The following SH3RF3 variants were observed in gnomAD, a reference collection of about 807,000 sequenced individuals.
The protein encoded by SH3RF3 is E3 ubiquitin-protein ligase SH3RF3.
A neutral mutation model predicts 66.3 loss-of-function variants in SH3RF3; 29 were observed. The observed-to-expected ratio is 0.44, with a 90% CI of 0.33 to 0.60. The LOEUF (loss-of-function observed/expected upper bound fraction) is 0.60, where lower values mean the gene tolerates loss of function less well. Among genes scored for constraint, SH3RF3 ranks in the 20% least tolerant of loss-of-function variants. The pLI, the probability that SH3RF3 is intolerant of heterozygous loss-of-function variation, is 0.04. For synonymous variants in SH3RF3, 583 were observed against 532.0 expected (o/e 1.10, Z -1.32); for missense variants, 1,194 against 1,190.9 (o/e 1.00, Z -0.04).
At chr2:109,382,917 G>A (rs1675734065) in intron 3 of SH3RF3, among the ~76,000 whole-genome samples, 1 of 152,136 alleles carries the variant, frequency 6.6e-6, no homozygotes, top group African/African-American at 2.4e-5. Context: ...ATGGATTAAT[G>A]TGTGGACCAC....
chr2:109,444,208 A>G (rs1399128486), intron 7 of SH3RF3, among the ~76,000 whole-genome samples: 2 of 152,268 alleles, frequency 1.3e-5, no homozygotes. Flanking sequence ...GCTGAATGAA[A>G]TGAAAAAGAA....
chr2:109,335,711 C>T (rs1353528722), intron 1 of SH3RF3, among the ~76,000 whole-genome samples: 1 of 152,198 alleles, frequency 6.6e-6, no homozygotes, highest in Non-Finnish European at 1.5e-5. Flanking sequence ...TTTGTTCACT[C>T]CCAAACCCCA....
chr2:109,319,795 G>C (rs200234634), intron 1 of SH3RF3, among the ~76,000 whole-genome samples: 2 of 152,316 alleles, frequency 1.3e-5, no homozygotes, highest in East Asian at 3.9e-4. Context: ...AGTCCAATCT[G>C]GAGCTTTTTC....
rs548299513 is a variant in SH3RF3 at position 109,343,443 on chromosome 2, A to G, written c.574-4231A>G. Among the ~76,000 whole-genome samples the G allele has an allele frequency of 5.3e-5, 8 of 151,902 alleles. No homozygotes were observed. In the South Asian group the frequency reaches 6.2e-4, roughly 12 times the overall value. On this transcript the variant is annotated intron_variant, in intron 1 of 9. Coordinates refer to ENST00000309415, the MANE Select transcript of SH3RF3 (RefSeq NM_001099289.3). The stretch of plus-strand genomic sequence containing the variant: ...CCCCCTCTTGGTTTTGCTCTGTCCA[A>G]TCTGAGTCTGGCAGTCTGAGATGGG...
chr2:109,354,449 G>T (rs1333282410), intron 2 of SH3RF3, among the ~76,000 whole-genome samples: 3 of 152,240 alleles, frequency 2.0e-5, no homozygotes, highest in Non-Finnish European at 4.4e-5. Flanking sequence ...GCCACTCATG[G>T]CCAGGCAGGG....
intron 1 of SH3RF3, among the ~76,000 whole-genome samples, chr2:109,159,156 C>T (rs1434164581): frequency 1.3e-5 from 2 of 152,164 alleles, no homozygotes; most frequent in Non-Finnish European, 2.9e-5. Context: ...ACAGTGTTCA[C>T]CCATGAGAAG....
intron 1 of SH3RF3, among the ~76,000 whole-genome samples, chr2:109,197,302 A>T (rs995640733): frequency 9.9e-5 from 15 of 152,080 alleles, no homozygotes; most frequent in African/African-American, 3.6e-4. Flanking sequence ...TCATTCTGGG[A>T]GGGCTGCTGT....
chr2:109,411,990 A>T (rs1413189299), intron 4 of SH3RF3, among the ~76,000 whole-genome samples: 1 of 151,950 alleles, frequency 6.6e-6, no homozygotes, highest in Non-Finnish European at 1.5e-5. Flanking sequence ...AAGGCCCCAG[A>T]CCCCTGAATG....
chr2:109,221,196 T>C (rs1471515555), intron 1 of SH3RF3, among the ~76,000 whole-genome samples: 1 of 152,236 alleles, frequency 6.6e-6, no homozygotes, highest in Non-Finnish European at 1.5e-5. Flanking sequence ...AAAAAGTCAG[T>C]CTTCCACATC....
intron 2 of SH3RF3, among the ~76,000 whole-genome samples, chr2:109,353,399 C>A (rs1206131880): frequency 6.6e-6 from 1 of 152,226 alleles, no homozygotes; most frequent in Non-Finnish European, 1.5e-5. Context: ...GAGGGAGCAC[C>A]CCACACTGAG....
intron 6 of SH3RF3, among the ~76,000 whole-genome samples, chr2:109,434,063 A>C (rs1321096389): frequency 6.6e-6 from 1 of 152,170 alleles, no homozygotes; most frequent in African/African-American, 2.4e-5. Flanking sequence ...TCAGCCTGCA[A>C]CCGGCCTGTG....
chr2:109,216,497 G>A (rs375510890), intron 1 of SH3RF3, among the ~76,000 whole-genome samples: 1 of 152,194 alleles, frequency 6.6e-6, no homozygotes, highest in African/African-American at 2.4e-5. Flanking sequence ...GGCAGTGCAC[G>A]CCCACCTGGC....
chr2:109,216,984 A>G (rs1023616383), intron 1 of SH3RF3, among the ~76,000 whole-genome samples: 2 of 151,992 alleles, frequency 1.3e-5, no homozygotes, highest in African/African-American at 2.4e-5. Context: ...CCACTCTTCT[A>G]CTTTGTTTCT....
intron 3 of SH3RF3, among the ~76,000 whole-genome samples, chr2:109,392,762 A>G (rs1274852170): frequency 1.3e-5 from 2 of 151,276 alleles, no homozygotes; most frequent in Non-Finnish European, 2.9e-5. Context: ...TGATCCGCCC[A>G]CCTCAGCCTC....
intron 8 of SH3RF3, among the ~76,000 whole-genome samples, chr2:109,454,203 A>G (rs969989163): frequency 6.6e-6 from 1 of 152,210 alleles, no homozygotes; most frequent in Non-Finnish European, 1.5e-5. Flanking sequence ...ACTTACAACA[A>G]TTACAATCCT....
intron 1 of SH3RF3, among the ~76,000 whole-genome samples, chr2:109,246,507 A>G (rs1679919946): frequency 1.3e-5 from 2 of 152,214 alleles, no homozygotes. Context: ...GACTTTTAGG[A>G]TGACACATAC....
chr2:109,143,331 A>C (rs1677009865), intron 1 of SH3RF3, among the ~76,000 whole-genome samples: 1 of 152,184 alleles, frequency 6.6e-6, no homozygotes, highest in Non-Finnish European at 1.5e-5. Flanking sequence ...AAATGCCTTA[A>C]GTTGAAGTGA....
chr2:109,404,032 A>T (rs1559065400), intron 4 of SH3RF3, among the ~76,000 whole-genome samples: 1 of 152,136 alleles, frequency 6.6e-6, no homozygotes, highest in Non-Finnish European at 1.5e-5. Flanking sequence ...CAGGCACCAG[A>T]CACATCATCT....
rs972755841 is a variant in SH3RF3 at position 109,130,863 on chromosome 2, T to G, written c.573+750T>G. Among the ~76,000 whole-genome samples the G allele has an allele frequency of 3.3e-5, 5 of 152,208 alleles. No homozygotes were observed. In the East Asian group the frequency reaches 7.7e-4, roughly 23 times the overall value. On this transcript the variant is annotated intron_variant, in intron 1 of 9. Coordinates refer to ENST00000309415, the MANE Select transcript of SH3RF3 (RefSeq NM_001099289.3). ...TCTGGATGGCTTCAATGATTTGGTT[T>G]TAAAAGCTTCTTACAGCTTCTTATT... is the stretch of plus-strand genomic sequence containing the variant.
Sources: allele counts gnomAD v4.1 joint callset (sites outside exome capture counted in the v4.1 genomes callset), GRCh38; gene constraint gnomAD v4.1.1; transcripts MANE v1.5; gene names NCBI Gene and HGNC (gene_info 2026-07-23, HGNC 2026-07-21).